The following MTUS2 variants were observed in gnomAD, a reference collection of about 807,000 sequenced individuals.
The protein encoded by MTUS2 is microtubule associated scaffold protein 2.
MTUS2 carries 40 observed loss-of-function variants against 114.1 expected under a neutral mutation model. That is an observed-to-expected ratio of 0.35 (90% CI 0.27 to 0.46). The LOEUF (loss-of-function observed/expected upper bound fraction) is 0.46, where lower values mean the gene tolerates loss of function less well. Among genes scored for constraint, MTUS2 ranks in the 20% least tolerant of loss-of-function variants. The pLI, the probability that MTUS2 is intolerant of heterozygous loss-of-function variation, is 1.00. For missense variants in MTUS2, 1,679 were observed against 1,705.4 expected (o/e 0.98, Z 0.27); for synonymous variants, 688 against 672.0 (o/e 1.02, Z -0.37).
intron 4 of MTUS2, among the ~76,000 whole-genome samples, chr13:29,089,043 A>G (rs953646376): frequency 2.6e-5 from 4 of 152,216 alleles, no homozygotes; most frequent in Non-Finnish European, 5.9e-5. Context: ...GTTACTTTAT[A>G]TTGCCAGTGG....
At chr13:28,927,688 T>G (rs948036830) in intron 2 of MTUS2, among the ~76,000 whole-genome samples, 6 of 152,176 alleles carry the variant, frequency 3.9e-5, no homozygotes, top group African/African-American at 1.4e-4. Flanking sequence ...TCAATTGATG[T>G]TATACACAGA....
At chr13:29,137,896 T>A (rs150720846) in intron 5 of MTUS2, among the ~76,000 whole-genome samples, 1 of 152,180 alleles carries the variant, frequency 6.6e-6, no homozygotes. Context: ...CTTTGATGTC[T>A]ACCTCCCAAA....
intron 5 of MTUS2, 129 bp downstream of exon 5, chr13:29,101,099 T>C (rs1017987626): frequency 9.4e-7 from 1 of 1,061,816 alleles, no homozygotes; most frequent in Non-Finnish European, 1.3e-6. Flanking sequence ...CCCATTGTTG[T>C]GTTATTCATC....
At chr13:28,844,658 C>T (rs1452596302) in intron 2 of MTUS2, among the ~76,000 whole-genome samples, 2 of 151,278 alleles carry the variant, frequency 1.3e-5, no homozygotes, top group African/African-American at 4.9e-5. Flanking sequence ...ACTCTGTAGC[C>T]CAAGCTGGAG....
At chr13:28,822,591 GC>G (rs1873983010) in intron 1 of MTUS2, among the ~76,000 whole-genome samples, 2 of 152,288 alleles carry the variant, frequency 1.3e-5, no homozygotes, top group South Asian at 4.1e-4. Flanking sequence ...ATGAACCTAA[GC>G]CTCAGGTCCC....
intron 5 of MTUS2, among the ~76,000 whole-genome samples, chr13:29,110,019 T>C (rs77824615): frequency 1.5e-3 from 228 of 152,336 alleles, no homozygotes; most frequent in African/African-American, 5.3e-3. Flanking sequence ...TTCTTTTGAG[T>C]TGTAAACTTG....
chr13:29,150,947 C>G (rs1892640657), intron 5 of MTUS2, among the ~76,000 whole-genome samples: 1 of 152,080 alleles, frequency 6.6e-6, no homozygotes, highest in Admixed American at 6.6e-5. Flanking sequence ...GTTACTATAG[C>G]CTTGTATAGT....
intron 4 of MTUS2, among the ~76,000 whole-genome samples, chr13:29,085,012 C>T (rs1475691123): frequency 6.6e-6 from 1 of 152,228 alleles, no homozygotes; most frequent in East Asian, 1.9e-4. Context: ...TAGTGCCATC[C>T]CCTTGGTGAT....
At chr13:29,463,949 G>A (rs546311197) in intron 9 of MTUS2, among the ~76,000 whole-genome samples, 71 of 152,272 alleles carry the variant, frequency 4.7e-4, no homozygotes, top group African/African-American at 1.7e-3. Context: ...AGCCAAGATC[G>A]CACCACTGCA....
intron 5 of MTUS2, among the ~76,000 whole-genome samples, chr13:29,215,391 G>A (rs1277047030): frequency 1.3e-5 from 2 of 151,118 alleles, no homozygotes; most frequent in Non-Finnish European, 2.9e-5. Context: ...TCTCTGTGCA[G>A]TTCTGTGCCT....
In MTUS2 at chr13:29,026,682, C is replaced by G; in HGVS notation, c.1984C>G (p.Leu662Val). Residue 662 changes from leucine to valine, a missense_variant, in exon 3 of 16, where the codon CTG (leucine) becomes GTG (valine). Around this residue, in one of 3 missense-constraint regions of MTUS2, gnomAD observed 822 missense variants for 899.7 expected, o/e 0.91. Transcript: ENST00000612955. The part of the protein sequence containing the change: ...PQALGQVDAS[L>V]VPVGLPYAPP... ...GGCCCTGGGCCAGGTGGACGCCTCG[C>G]TGGTTCCAGTGGGGCTTCCATATGC... The G allele has an allele frequency of 6.2e-7, 1 of 1,614,030 alleles. No individual in the cohort carries two copies. Among genetic ancestry groups the G allele is most frequent in the Non-Finnish European group, 8.5e-7 (1 of 1,179,898 alleles).
intron 2 of MTUS2, among the ~76,000 whole-genome samples, chr13:28,854,634 C>T (rs7328937): frequency 0.014 from 2,118 of 152,214 alleles, 50 homozygotes; most frequent in African/African-American, 0.048. Context: ...TAATATATAC[C>T]CGCCCATTTT....
chr13:28,912,239 T>G (rs1455364653), intron 2 of MTUS2, among the ~76,000 whole-genome samples: 1 of 152,228 alleles, frequency 6.6e-6, no homozygotes, highest in Non-Finnish European at 1.5e-5. Context: ...GGCTAGCCAG[T>G]TCTCCCAGCA....
chr13:29,077,767 T>G (rs1228841446), intron 4 of MTUS2, among the ~76,000 whole-genome samples: 1 of 152,226 alleles, frequency 6.6e-6, no homozygotes, highest in Non-Finnish European at 1.5e-5. Flanking sequence ...ATTTACTTTC[T>G]TAACTTCTTT....
In MTUS2 at chr13:29,368,376, G is replaced by C. The variant is rs142994702; in HGVS notation, c.3117+8903G>C. 1.8e-3 allele frequency among the ~76,000 whole-genome samples: 269 copies of C among 152,176 alleles called. 3 individuals are homozygous for C. Among genetic ancestry groups the C allele is most frequent in the African/African-American group, 6.2e-3 (258 of 41,518 alleles). ...TTGCTGCTTCTTTTACATTAATTTA[G>C]TTAATGCTTACAGTTAGATAGAAAG... On this transcript the variant is annotated intron_variant, in intron 8 of 15. Transcript: ENST00000612955.
intron 4 of MTUS2, among the ~76,000 whole-genome samples, chr13:29,080,058 C>G (rs989739605): frequency 6.6e-6 from 1 of 152,098 alleles, no homozygotes; most frequent in African/African-American, 2.4e-5. Context: ...TTTATGTATT[C>G]TTAAATTATT....
At chr13:28,993,337 A>G (rs987795981) in intron 2 of MTUS2, among the ~76,000 whole-genome samples, 3 of 152,168 alleles carry the variant, frequency 2.0e-5, no homozygotes, top group Admixed American at 6.5e-5. Context: ...TAGCAGCTGT[A>G]CCATTTTATA....
In MTUS2 at chr13:29,480,561, G is replaced by C. The variant is rs188620280; in HGVS notation, c.3399+197G>C. On this transcript the variant is annotated intron_variant, in intron 10 of 15. Coordinates refer to ENST00000612955, the MANE Select transcript of MTUS2 (RefSeq NM_001033602.4). This position sits in a 1 kb window ranked among gnomAD's most constrained non-coding sequence, Gnocchi z 4.4. ...TGTGGCCTCCTTCACTCTTCCTCAG[G>C]GTTTTCACACTTGCTGTGCCCTCTG... is the stretch of plus-strand genomic sequence containing the variant. 6.6e-6 allele frequency among the ~76,000 whole-genome samples: 1 copy of C among 152,220 alleles called. No individual in the cohort carries two copies. The highest frequency in any genetic ancestry group is 6.5e-5 in the Admixed American group (1 of 15,280).
chr13:29,346,554 T>C lies in MTUS2; in HGVS notation c.2906-12708T>C, dbSNP rs9551657. On this transcript the variant is annotated intron_variant, in intron 7 of 15. Transcript: ENST00000612955. ...CAACGCCAGTCTCACTCCCACCATG[T>C]CCCCCCAACAGCACGAGAGGGACAT... 6.3e-5 allele frequency among the ~76,000 whole-genome samples: 8 copies of C among 127,878 alleles called. No individual in the cohort carries two copies. In the Admixed American group the frequency reaches 6.7e-4, roughly 11 times the overall value. The allele number at this position is 127,878 out of a possible 152,430, so 83.9% of individuals were successfully genotyped here.
Sources: allele counts gnomAD v4.1 joint callset (sites outside exome capture counted in the v4.1 genomes callset), GRCh38; gene constraint gnomAD v4.1.1; regional missense constraint gnomAD v4.1.1; non-coding constraint Gnocchi (gnomAD v3.1); transcripts MANE v1.5; gene names NCBI Gene and HGNC (gene_info 2026-07-23, HGNC 2026-07-21).